The following SPHKAP variants were observed in gnomAD, a reference collection of about 807,000 sequenced individuals.
SPHKAP encodes the protein SPHK1 interactor, AKAP domain containing, also known as A-kinase anchor protein SPHKAP.
In SPHKAP, 67 loss-of-function variants were observed where a neutral mutation model predicts 137.5. That is an observed-to-expected ratio of 0.49 (90% confidence interval 0.40 to 0.60). The LOEUF (loss-of-function observed/expected upper bound fraction) is 0.60. Among genes scored for constraint, SPHKAP ranks in the 20% least tolerant of loss-of-function variants. The pLI is 0.00. For synonymous variants in SPHKAP, 813 were observed against 785.3 expected, an observed-to-expected ratio of 1.04 and a Z score of -0.59; for missense variants, 2,097 against 2,069.3, an observed-to-expected ratio of 1.01 and a Z score of -0.26.
At chr2:228,154,481 A>ACTCTCT (rs371642332) in intron 1 of SPHKAP, among the ~76,000 whole-genome samples, 1,688 of 47,086 alleles carry the variant, frequency 0.036, 108 homozygotes, top group Non-Finnish European at 0.049. Context: ...TTGTAAATAA[A>ACTCTCT]CTCTCTCTCT....
At chr2:227,993,941 C>G in intron 8 of SPHKAP, 1 of 626,806 alleles carries the variant, frequency 1.6e-6, no homozygotes, top group Non-Finnish European at 2.0e-6. Flanking sequence ...CTCTTTTCTT[C>G]ATTCTAGTTA....
At chr2:228,086,657 C>G (rs984847455) in intron 3 of SPHKAP, among the ~76,000 whole-genome samples, 2 of 152,066 alleles carry the variant, frequency 1.3e-5, no homozygotes, top group Non-Finnish European at 2.9e-5. Context: ...CAAACCGGAC[C>G]TCGGAGGATA....
chr2:228,089,238 C>T (rs750413118), intron 3 of SPHKAP, among the ~76,000 whole-genome samples: 5 of 152,212 alleles, frequency 3.3e-5, no homozygotes, highest in Non-Finnish European at 7.3e-5. Context: ...TTGTTATGCC[C>T]TAGCAAAGAA....
Position 228,018,950 on chromosome 2 carries a change from C to A in SPHKAP, c.1904G>T (p.Ser635Ile), listed in dbSNP as rs779488806. Reference protein sequence around the residue: ...LVLTRPNTYSSIGDFLDSMNR... With the variant: ...LVLTRPNTYSIIGDFLDSMNR... ...CATGGAGTCCAGAAAGTCTCCAATGCTGCTGTAGGTATTAGGCCTTGTTAA... is the reference window on the plus strand; with the variant it reads ...CATGGAGTCCAGAAAGTCTCCAATGATGCTGTAGGTATTAGGCCTTGTTAA... The change falls in exon 7 of 12, where the codon AGC becomes ATC. Residue 635 changes from serine (S) to isoleucine (I), a missense_variant. Ser to Ile is a moderately radical substitution (Grantham distance 142). Coordinates refer to ENST00000392056, the MANE Select transcript of SPHKAP (RefSeq NM_001142644.2). 6.2e-7 allele frequency: 1 copy of A among 1,614,148 alleles called. No individual in the cohort carries two copies. Among genetic ancestry groups the A allele is most frequent in the Non-Finnish European group, 8.5e-7 (1 of 1,180,010 alleles).
At chr2:228,149,712 C>T (rs886870821) in intron 1 of SPHKAP, among the ~76,000 whole-genome samples, 1 of 137,288 alleles carries the variant, frequency 7.3e-6, no homozygotes, top group African/African-American at 2.6e-5. Context: ...AAATGGTTTC[C>T]TTTTTAAAAT....
At chr2:228,141,035 C>G (rs755233006) in intron 1 of SPHKAP, among the ~76,000 whole-genome samples, 14 of 152,118 alleles carry the variant, frequency 9.2e-5, no homozygotes, top group Non-Finnish European at 1.8e-4. Context: ...ATATTGCTGC[C>G]AAATAACAGA....
At chr2:228,127,736 T>C (rs887506810) in intron 2 of SPHKAP, among the ~76,000 whole-genome samples, 1 of 152,158 alleles carries the variant, frequency 6.6e-6, no homozygotes, top group Non-Finnish European at 1.5e-5. Flanking sequence ...AAACAATATC[T>C]GTTTTCTATG....
intron 3 of SPHKAP, among the ~76,000 whole-genome samples, chr2:228,036,607 A>G (rs1178813973): frequency 6.6e-6 from 1 of 152,116 alleles, no homozygotes; most frequent in African/African-American, 2.4e-5. Flanking sequence ...GGCACTATTC[A>G]CAATAGCAAA....
chr2:228,060,022 T>C (rs1696583385), intron 3 of SPHKAP, among the ~76,000 whole-genome samples: 1 of 152,208 alleles, frequency 6.6e-6, no homozygotes, highest in Non-Finnish European at 1.5e-5. Context: ...TCATTTCCCA[T>C]GGCCACAAAA....
intron 3 of SPHKAP, among the ~76,000 whole-genome samples, chr2:228,068,553 A>G (rs566768144): frequency 1.3e-5 from 2 of 152,332 alleles, no homozygotes; most frequent in Admixed American, 1.3e-4. Flanking sequence ...TTTGCAGTCA[A>G]CTTGTTTTCA....
intron 6 of SPHKAP, among the ~76,000 whole-genome samples, chr2:228,021,041 T>C (rs1252221399): frequency 6.6e-6 from 1 of 152,152 alleles, no homozygotes; most frequent in Admixed American, 6.5e-5. Context: ...TTCTAAAGTT[T>C]GCATGAGACT....
rs1444939695 is a variant in SPHKAP, at chr2:228,143,489, TTTTTAA to T, written c.33-11410_33-11405del. ...TTCTTTCTTTTAAATTTTATTTTTATTTTTAATTTTAATTTTAATTTTTGAGATGGG... is the reference window on the plus strand; with the variant it reads ...TTCTTTCTTTTAAATTTTATTTTTATTTTTAATTTTAATTTTTGAGATGGG... On this transcript the variant is annotated intron_variant, in intron 1 of 11. Transcript: ENST00000392056. Among the ~76,000 whole-genome samples the T allele has an allele frequency of 1.7e-3, 264 of 152,030 alleles. 2 individuals are homozygous for T. The highest frequency in any genetic ancestry group is 2.8e-3 in the Non-Finnish European group (190 of 67,970).
At chr2:228,053,521 G>C (rs2106276125) in intron 3 of SPHKAP, among the ~76,000 whole-genome samples, 1 of 152,192 alleles carries the variant, frequency 6.6e-6, no homozygotes, top group East Asian at 1.9e-4. Flanking sequence ...CAGGGGCTGG[G>C]GGGAGTGTCT....
At chr2:228,139,758 G>A (rs1181270841) in intron 1 of SPHKAP, among the ~76,000 whole-genome samples, 1 of 151,994 alleles carries the variant, frequency 6.6e-6, no homozygotes, top group South Asian at 2.1e-4. Flanking sequence ...TACAAATAAT[G>A]TGTATAAAAA....
In SPHKAP at chr2:228,007,533, T is replaced by G. The variant is rs145780900; in HGVS notation, c.4448+8873A>C. Among the ~76,000 whole-genome samples the G allele has an allele frequency of 5.9e-5, 9 of 152,238 alleles. No homozygotes were observed. The East Asian group carries it at 1.7e-3, about 29-fold the overall frequency. The stretch of plus-strand genomic sequence containing the variant: ...TACTCTCTCCTTCTATGAGTTTGAC[T>G]TTTTAAGATTCCATACGTGAGATCA... On this transcript the variant is annotated intron_variant, in intron 7 of 11. Transcript: ENST00000392056.
At chr2:228,180,114 G>T (rs1574925782) in intron 1 of SPHKAP, among the ~76,000 whole-genome samples, 1 of 152,106 alleles carries the variant, frequency 6.6e-6, no homozygotes, top group Non-Finnish European at 1.5e-5. Context: ...TGGAAAGACA[G>T]CGGTGGTCCT....
intron 7 of SPHKAP, among the ~76,000 whole-genome samples, chr2:227,998,673 G>T (rs531299429): frequency 6.6e-6 from 1 of 152,060 alleles, no homozygotes; most frequent in Non-Finnish European, 1.5e-5. Context: ...CCTAATGTCT[G>T]GCTAACATAG....
Position 228,016,758 on chromosome 2 carries a change from C to A in SPHKAP, c.4096G>T (p.Glu1366Ter). Residue 1366 changes from glutamate to a stop codon, truncating the protein, a stop_gained, in exon 7 of 12, where the codon GAG (glutamate) becomes TAG (stop). Coordinates refer to ENST00000392056, the MANE Select transcript of SPHKAP (RefSeq NM_001142644.2). LOFTEE classifies it high-confidence loss of function. Reference protein sequence around the residue: ...MCSGPTLLVQESLDCPRKDSV... With the variant: ...MCSGPTLLVQ Reference sequence around the variant, plus strand: ...TCTTTCCTCGGGCAATCGAGAGACTCCTGAACAAGCAGAGTTGGCCCACTG... The same window carrying A: ...TCTTTCCTCGGGCAATCGAGAGACTACTGAACAAGCAGAGTTGGCCCACTG... The A allele has an allele frequency of 1.2e-6, 2 of 1,614,030 alleles. No homozygotes were observed. The highest frequency in any genetic ancestry group is 1.7e-6 in the Non-Finnish European group (2 of 1,179,996).
At chr2:228,176,839 C>A (rs1003132489) in intron 1 of SPHKAP, among the ~76,000 whole-genome samples, 2 of 152,176 alleles carry the variant, frequency 1.3e-5, no homozygotes, top group African/African-American at 4.8e-5. Flanking sequence ...CGCGCCATTG[C>A]ACTCCAGCCT....
Sources: allele counts gnomAD v4.1 joint callset (sites outside exome capture counted in the v4.1 genomes callset), GRCh38; gene constraint gnomAD v4.1.1; transcripts MANE v1.5; gene names NCBI Gene and HGNC (gene_info 2026-07-23, HGNC 2026-07-21).